DLC1: variants seen among roughly 807,000 people sequenced by gnomAD.
The protein encoded by DLC1 is rho GTPase-activating protein 7.
DLC1 carries 54 observed loss-of-function variants against 140.3 expected under a neutral mutation model. The ratio of observed to expected loss-of-function variants is 0.38; its 90% CI spans 0.31 to 0.48. DLC1 has a LOEUF of 0.48. Ranked by LOEUF, DLC1 falls within the 20% of genes least tolerant of loss-of-function variation. DLC1 has a pLI of 0.96. For synonymous variants in DLC1, 986 were observed against 728.1 expected, an observed-to-expected ratio of 1.35 and a Z score of -5.70; for missense variants, 2,536 against 1,907.0, an observed-to-expected ratio of 1.33 and a Z score of -6.14.
chr8:13,451,849 G>T (rs370588070), intron 2 of DLC1, among the ~76,000 whole-genome samples: 1 of 152,142 alleles, frequency 6.6e-6, no homozygotes, highest in Admixed American at 6.6e-5. Context: ...ATATCTGTTT[G>T]ATACATTAAT....
At position 13,499,255 on chromosome 8, in the gene DLC1, C is replaced by T. The variant is rs143012126; in HGVS notation, c.817G>A (p.Asp273Asn). 6.2e-7 allele frequency: 1 copy of T among 1,614,070 alleles called. No homozygotes were observed. The highest frequency in any genetic ancestry group is 1.3e-5 in the African/African-American group (1 of 74,934). ...TNRGLPLLKT[D>N]FGSCLLQPPS... is the part of the protein sequence containing the mutation. Reference sequence around the variant, plus strand: ...GGCTGCAGAAGGCAGCTTCCAAAATCTGTTTTTAATAATGGCAGTCCTCTG... The same window carrying T: ...GGCTGCAGAAGGCAGCTTCCAAAATTTGTTTTTAATAATGGCAGTCCTCTG... Residue 273 changes from aspartate (D) to asparagine (N), a missense_variant, in exon 2 of 18, where the codon GAT becomes AAT. By Grantham distance (23) the Asp-to-Asn change is conservative. Coordinates refer to ENST00000276297, the MANE Select transcript of DLC1 (RefSeq NM_182643.3).
chr8:13,398,541 G>T (rs1433602247), intron 3 of DLC1, among the ~76,000 whole-genome samples: 1 of 145,376 alleles, frequency 6.9e-6, no homozygotes, highest in Non-Finnish European at 1.5e-5. Flanking sequence ...GAGGTGTGAA[G>T]ATTGCTTGAG....
intron 2 of DLC1, among the ~76,000 whole-genome samples, chr8:13,405,580 C>G (rs189855034): frequency 2.3e-3 from 343 of 152,216 alleles, no homozygotes; most frequent in African/African-American, 7.5e-3. Context: ...TTCCCACTCC[C>G]CTTCCTGTTA....
intron 4 of DLC1, among the ~76,000 whole-genome samples, chr8:13,319,851 C>G (rs1250892739): frequency 8.0e-5 from 5 of 62,778 alleles, no homozygotes; most frequent in African/African-American, 2.7e-4. Flanking sequence ...GAGATGGAGT[C>G]TCGCTCTTTC....
intron 4 of DLC1, among the ~76,000 whole-genome samples, chr8:13,348,380 A>G (rs1349997533): frequency 6.6e-6 from 1 of 152,190 alleles, no homozygotes; most frequent in East Asian, 1.9e-4. Context: ...GCCACACACA[A>G]GGTAAATATT....
chr8:13,317,063 G>T (rs983041506), intron 4 of DLC1, among the ~76,000 whole-genome samples: 1 of 152,074 alleles, frequency 6.6e-6, no homozygotes, highest in Non-Finnish European at 1.5e-5. Flanking sequence ...ATTTATGTAC[G>T]ATTAAAGTCT....
chr8:13,144,547 C>G (rs113743611), intron 5 of DLC1, among the ~76,000 whole-genome samples: 2 of 152,224 alleles, frequency 1.3e-5, no homozygotes, highest in East Asian at 3.9e-4. Context: ...AGGCAGATCA[C>G]GAGATCAGGA....
At chr8:13,178,017 C>G (rs1014974189) in intron 5 of DLC1, among the ~76,000 whole-genome samples, 3 of 152,022 alleles carry the variant, frequency 2.0e-5, no homozygotes, top group African/African-American at 7.2e-5. Context: ...TTCAGTAGCT[C>G]TAATACATTT....
At chr8:13,335,430 T>C (rs1833777961) in intron 4 of DLC1, among the ~76,000 whole-genome samples, 1 of 152,178 alleles carries the variant, frequency 6.6e-6, no homozygotes, top group African/African-American at 2.4e-5. Flanking sequence ...CTAATATTTG[T>C]AGAGAAATCA....
chr8:13,387,377 A>G (rs1836570428), intron 4 of DLC1, among the ~76,000 whole-genome samples: 1 of 152,030 alleles, frequency 6.6e-6, no homozygotes, highest in African/African-American at 2.4e-5. Flanking sequence ...CCATTTAAGC[A>G]AACATATAGT....
At position 13,102,873 on chromosome 8, in the gene DLC1, C is replaced by A; in HGVS notation, c.1503-20G>T. Reference sequence around the variant, plus strand: ...AGACGCCTATAGAGCAAAGAAATAACGTTAGCAAAGATAGGCAACCACTCT... The same window carrying A: ...AGACGCCTATAGAGCAAAGAAATAAAGTTAGCAAAGATAGGCAACCACTCT... On this transcript the variant is annotated intron_variant, in intron 7 of 17. Transcript: ENST00000276297. The A allele has an allele frequency of 3.7e-6, 6 of 1,610,174 alleles. No homozygotes were observed. The highest frequency in any genetic ancestry group is 4.2e-6 in the Non-Finnish European group (5 of 1,178,590).
chr8:13,290,579 A>G (rs1372813563), intron 5 of DLC1, among the ~76,000 whole-genome samples: 1 of 152,116 alleles, frequency 6.6e-6, no homozygotes. Flanking sequence ...TTTATTATAT[A>G]GTAGGGGAAA....
intron 2 of DLC1, among the ~76,000 whole-genome samples, chr8:13,473,564 T>A (rs2117081914): frequency 6.6e-6 from 1 of 152,278 alleles, no homozygotes; most frequent in South Asian, 2.1e-4. Flanking sequence ...TAGAACAGTT[T>A]GGAAGGCTCA....
At position 13,100,454 on chromosome 8, in the gene DLC1, C is replaced by T. The variant is rs1408283022; in HGVS notation, c.1883G>A (p.Ser628Asn). The change falls in exon 9 of 18, where the codon AGC becomes AAC. Residue 628 changes from serine (S) to asparagine (N), a missense_variant. Coordinates refer to ENST00000276297, the MANE Select transcript of DLC1 (RefSeq NM_182643.3). ...TNSVISVCSS[S>N]NLAGNDDSFG... is the part of the protein sequence containing the mutation. ...AGAGTCGTCATTGCCTGCCAAGTTG[C>T]TGGAGGAGCAAACGCTGATGACGGA... The T allele has an allele frequency of 3.1e-6, 5 of 1,613,704 alleles. No homozygotes were observed. The highest frequency in any genetic ancestry group is 3.4e-6 in the Non-Finnish European group (4 of 1,180,048).
chr8:13,404,648 A>G (rs1452740593), intron 2 of DLC1, among the ~76,000 whole-genome samples: 2 of 152,064 alleles, frequency 1.3e-5, no homozygotes, highest in African/African-American at 4.8e-5. Context: ...CCTGAGCAAC[A>G]AGGAATTTAC....
chr8:13,526,409 T>G (rs1316723135), intron 1 of DLC1, among the ~76,000 whole-genome samples: 2 of 152,222 alleles, frequency 1.3e-5, no homozygotes, highest in African/African-American at 4.8e-5. Context: ...ACTGACATCT[T>G]GATAATATTG....
chr8:13,101,762 C>A (rs921683648), intron 8 of DLC1, among the ~76,000 whole-genome samples: 1 of 152,210 alleles, frequency 6.6e-6, no homozygotes, highest in Non-Finnish European at 1.5e-5. Context: ...ATACCCAGCC[C>A]TGACAGCTCG....
At chr8:13,115,947 G>A (rs1252707103) in intron 5 of DLC1, among the ~76,000 whole-genome samples, 1 of 152,084 alleles carries the variant, frequency 6.6e-6, no homozygotes, top group Non-Finnish European at 1.5e-5. Flanking sequence ...GATTACAAAC[G>A]GTTATGAAAA....
At chr8:13,520,605 A>G (rs542319931) in intron 1 of DLC1, among the ~76,000 whole-genome samples, 1 of 152,238 alleles carries the variant, frequency 6.6e-6, no homozygotes, top group African/African-American at 2.4e-5. Context: ...AATGTAACCC[A>G]GAACTTAAAG....
Sources: gnomAD v4.1 joint callset for allele counts (sites outside exome capture counted in the v4.1 genomes callset) on GRCh38, gnomAD v4.1.1 for gene constraint, MANE v1.5 for transcripts, NCBI Gene and HGNC (gene_info 2026-07-23, HGNC 2026-07-21) for gene names.